The following IMMP2L variants were observed in gnomAD, a reference collection of about 807,000 sequenced individuals.
The protein encoded by IMMP2L is mitochondrial inner membrane protease subunit 2.
IMMP2L carries 18 observed loss-of-function variants against 19.3 expected under a neutral mutation model. That is an observed-to-expected ratio of 0.93 (90% CI 0.64 to 1.38). The LOEUF is 1.38. IMMP2L is among the 40% of genes most tolerant of loss of function. The pLI, the probability that IMMP2L is intolerant of heterozygous loss-of-function variation, is 0.00. For synonymous variants in IMMP2L, 76 were observed against 73.0 expected (o/e 1.04, Z -0.21); for missense variants, 233 against 218.2 (o/e 1.07, Z -0.43).
intron 3 of IMMP2L, chr7:111,391,949 C>G: frequency 1.4e-6 from 1 of 703,088 alleles, no homozygotes; most frequent in East Asian, 2.7e-5. Context: ...CTTCTTCAAT[C>G]TTAGGCTAAC....
chr7:111,141,608 T>C (rs1440731281), intron 3 of IMMP2L, among the ~76,000 whole-genome samples: 1 of 152,142 alleles, frequency 6.6e-6, no homozygotes, highest in Non-Finnish European at 1.5e-5. Context: ...CTTCCCATCC[T>C]CTGTATCATT....
intron 3 of IMMP2L, among the ~76,000 whole-genome samples, chr7:111,434,048 T>C (rs946662325): frequency 2.6e-5 from 4 of 151,740 alleles, no homozygotes; most frequent in Non-Finnish European, 5.9e-5. Context: ...TAAATTATAC[T>C]ACGAGGCTAC....
intron 1 of IMMP2L, among the ~76,000 whole-genome samples, chr7:111,552,111 A>G (rs1790736499): frequency 6.6e-6 from 1 of 152,012 alleles, no homozygotes; most frequent in South Asian, 2.1e-4. Context: ...GAAAAAGGCT[A>G]TTTTGTTCTA....
intron 3 of IMMP2L, among the ~76,000 whole-genome samples, chr7:111,466,490 A>C (rs183880908): frequency 6.6e-6 from 1 of 152,286 alleles, no homozygotes; most frequent in East Asian, 1.9e-4. Context: ...TATTTAAAAA[A>C]TTCCCTTACT....
intron 3 of IMMP2L, among the ~76,000 whole-genome samples, chr7:111,434,171 A>G (rs1040526062): frequency 3.3e-5 from 5 of 151,830 alleles, no homozygotes; most frequent in Non-Finnish European, 1.5e-5. Context: ...AACAAAGTCA[A>G]CAAAAATATA....
intron 3 of IMMP2L, among the ~76,000 whole-genome samples, chr7:111,024,131 C>T (rs923248188): frequency 6.6e-6 from 1 of 152,100 alleles, no homozygotes; most frequent in Non-Finnish European, 1.5e-5. Flanking sequence ...CAGGTTGAAG[C>T]AAAGATAGGT....
chr7:111,380,903 C>T (rs918501331), intron 3 of IMMP2L, among the ~76,000 whole-genome samples: 1 of 151,258 alleles, frequency 6.6e-6, no homozygotes, highest in Non-Finnish European at 1.5e-5. Context: ...ATCTGTTTCT[C>T]TAAGGTACCT....
chr7:110,713,056 A>G (rs1489197312), intron 5 of IMMP2L, among the ~76,000 whole-genome samples: 4 of 152,124 alleles, frequency 2.6e-5, no homozygotes, highest in Admixed American at 2.6e-4. Context: ...CTACACTTAA[A>G]TTTTTAATCC....
At chr7:110,913,031 G>T (rs1275733146) in intron 4 of IMMP2L, among the ~76,000 whole-genome samples, 1 of 152,104 alleles carries the variant, frequency 6.6e-6, no homozygotes, top group Non-Finnish European at 1.5e-5. Context: ...TAGTCAAGAA[G>T]AACCCTGGGA....
At chr7:111,202,277 T>C (rs1039152170) in intron 3 of IMMP2L, among the ~76,000 whole-genome samples, 1 of 152,138 alleles carries the variant, frequency 6.6e-6, no homozygotes, top group African/African-American at 2.4e-5. Flanking sequence ...GGAACTTAAA[T>C]TTGTCTGGAA....
At chr7:111,529,043 T>G (rs1585531461) in intron 1 of IMMP2L, among the ~76,000 whole-genome samples, 1 of 152,142 alleles carries the variant, frequency 6.6e-6, no homozygotes, top group African/African-American at 2.4e-5. Context: ...TTTCTCCACG[T>G]AGAGTTTGCA....
chr7:111,521,482 G>A lies in IMMP2L; in HGVS notation c.-2-33C>T. The stretch of plus-strand genomic sequence containing the variant: ...TACAAAGAAAACAACTATGAAATTA[G>A]TCTCAAGAAAGGTGAAAAACAAAGA... On this transcript the variant is annotated intron_variant, in intron 1 of 5. Transcript: ENST00000405709. 1.9e-6 allele frequency: 3 copies of A among 1,566,656 alleles called. No homozygotes were observed. In the South Asian group the frequency reaches 3.5e-5, roughly 18 times the overall value.
At chr7:110,884,579 G>C (rs1810016803) in intron 5 of IMMP2L, among the ~76,000 whole-genome samples, 1 of 151,976 alleles carries the variant, frequency 6.6e-6, no homozygotes, top group African/African-American at 2.4e-5. Context: ...TTAGCATAAA[G>C]ATATTTCACA....
At chr7:111,409,932 A>G (rs993210210) in intron 3 of IMMP2L, among the ~76,000 whole-genome samples, 1 of 151,846 alleles carries the variant, frequency 6.6e-6, no homozygotes, top group Non-Finnish European at 1.5e-5. Flanking sequence ...AAACTGTGGT[A>G]TAAGAATGGG....
intron 3 of IMMP2L, among the ~76,000 whole-genome samples, chr7:111,145,440 G>C (rs1803361457): frequency 2.0e-5 from 3 of 151,980 alleles, no homozygotes; most frequent in Non-Finnish European, 4.4e-5. Context: ...GCTCTATTAG[G>C]AAGAATTAAT....
rs373995915 is a variant in IMMP2L, at chr7:110,911,633, A to G, written c.306-24938T>C. Among the ~76,000 whole-genome samples, 21 of 152,288 alleles carry G rather than the reference A, an allele frequency of 1.4e-4. 2 individuals carry two copies. In the East Asian group the frequency reaches 1.9e-3, roughly 14 times the overall value. On this transcript the variant is annotated intron_variant, in intron 4 of 5. Coordinates refer to ENST00000405709, the MANE Select transcript of IMMP2L (RefSeq NM_032549.4). The stretch of plus-strand genomic sequence containing the variant: ...AGTTTTGAAAAATTATCTGGGGGTC[A>G]GGTATCAAACTCATGGCATTGAACA...
intron 3 of IMMP2L, among the ~76,000 whole-genome samples, chr7:111,261,371 G>A (rs1817294482): frequency 6.6e-6 from 1 of 152,054 alleles, no homozygotes; most frequent in East Asian, 1.9e-4. Flanking sequence ...AAATGAAATT[G>A]GTGAAAACTA....
At chr7:111,174,126 G>A (rs1021757129) in intron 3 of IMMP2L, among the ~76,000 whole-genome samples, 32 of 151,434 alleles carry the variant, frequency 2.1e-4, no homozygotes, top group African/African-American at 5.3e-4. Context: ...TTTTAAAACC[G>A]TGGGACCCTG....
chr7:111,223,093 C>G (rs1011731365), intron 3 of IMMP2L, among the ~76,000 whole-genome samples: 1 of 151,890 alleles, frequency 6.6e-6, no homozygotes, highest in African/African-American at 2.4e-5. Flanking sequence ...ATTTTATACA[C>G]TATTAAAACA....
Sources: allele counts gnomAD v4.1 joint callset (sites outside exome capture counted in the v4.1 genomes callset), GRCh38; gene constraint gnomAD v4.1.1; transcripts MANE v1.5; gene names NCBI Gene and HGNC (gene_info 2026-07-23, HGNC 2026-07-21).